USP7: variants seen among roughly 807,000 people sequenced by gnomAD.
USP7 encodes the protein ubiquitin C-terminal hydrolase 7.
In USP7, 9 loss-of-function variants were observed where a neutral mutation model predicts 162.9. That is an observed-to-expected ratio of 0.06 (90% CI 0.03 to 0.10). The LOEUF is 0.10. Ranked by LOEUF, USP7 falls within the 10% of genes least tolerant of loss-of-function variation. The pLI, the probability that USP7 is intolerant of heterozygous loss-of-function variation, is 1.00. For missense variants in USP7, 715 were observed against 1,373.7 expected, an observed-to-expected ratio of 0.52 and a Z score of 7.58; for synonymous variants, 562 against 475.9, an observed-to-expected ratio of 1.18 and a Z score of -2.35.
intron 11 of USP7, 38 bp downstream of exon 11, chr16:8,910,705 AAC>A: frequency 1.9e-6 from 3 of 1,552,972 alleles, no homozygotes; most frequent in Non-Finnish European, 2.6e-6. Flanking sequence ...AATAAAGAAG[AAC>A]GCTACAACAG....
chr16:8,908,233 T>C lies in USP7; in HGVS notation c.1271+108A>G, dbSNP rs1416083767. The C allele has an allele frequency of 5.6e-6, 5 of 899,816 alleles. No homozygotes were observed. In the African/African-American group the frequency reaches 8.4e-5, roughly 15 times the overall value. 55.7% of individuals were successfully genotyped at this position (899,816 alleles called of 1,614,324 possible). On this transcript the variant is annotated intron_variant, in intron 12 of 30. Coordinates refer to ENST00000344836, the MANE Select transcript of USP7 (RefSeq NM_003470.3). ...CACAGAGGTAGAAGGAAAATCTAAA[T>C]AAATCAGATGTGGGACTGAAAATAT...
intron 1 of USP7, among the ~76,000 whole-genome samples, chr16:8,960,671 C>T (rs1017574624): frequency 6.6e-6 from 1 of 152,228 alleles, no homozygotes; most frequent in Non-Finnish European, 1.5e-5. Context: ...CTAGCTCTGA[C>T]CAGGACCCCA....
chr16:8,947,329 T>C (rs934337715), intron 1 of USP7, among the ~76,000 whole-genome samples: 1 of 152,134 alleles, frequency 6.6e-6, no homozygotes, highest in South Asian at 2.1e-4. Context: ...TGCTGGTTTA[T>C]TGTTTTTCCA....
chr16:8,923,450 G>C, intron 2 of USP7, 37 bp from the exon 3 acceptor site: 1 of 1,606,560 alleles, frequency 6.2e-7, no homozygotes, highest in Non-Finnish European at 8.5e-7. Context: ...CAGAGCCTGT[G>C]CATTGACCAA....
intron 13 of USP7, among the ~76,000 whole-genome samples, chr16:8,906,174 C>T (rs1268478254): frequency 6.6e-6 from 1 of 152,234 alleles, no homozygotes; most frequent in Non-Finnish European, 1.5e-5. Context: ...ATAAGTGTCT[C>T]ATATGACATA....
Position 8,894,780 on chromosome 16 carries a change from A to C in USP7, c.3111+4T>G. On this transcript the variant is annotated splice_donor_region_variant and intron_variant, in intron 29 of 30. Transcript: ENST00000344836. Reference sequence around the variant, plus strand: ...CAAGCCCCCAGGAGGCCCCAGCTGCACACCTTCTCAAACTCCTTCTCCTGG... The same window carrying C: ...CAAGCCCCCAGGAGGCCCCAGCTGCCCACCTTCTCAAACTCCTTCTCCTGG... 6.2e-7 allele frequency: 1 copy of C among 1,614,252 alleles called. No individual in the cohort carries two copies. Among genetic ancestry groups the C allele is most frequent in the African/African-American group, 1.3e-5 (1 of 75,072 alleles).
intron 1 of USP7, among the ~76,000 whole-genome samples, chr16:8,947,748 G>T (rs989172140): frequency 6.6e-6 from 1 of 152,094 alleles, no homozygotes; most frequent in Non-Finnish European, 1.5e-5. Flanking sequence ...TTAGGACTTC[G>T]ACAGGATCCT....
chr16:8,936,835 T>G, intron 1 of USP7: 3 of 1,003,394 alleles, frequency 3.0e-6, no homozygotes, highest in Non-Finnish European at 3.8e-6. Flanking sequence ...GAAAAACTGG[T>G]GAAACTCTGA....
chr16:8,925,168 C>T (rs552623241), intron 2 of USP7, among the ~76,000 whole-genome samples: 1 of 152,024 alleles, frequency 6.6e-6, no homozygotes, highest in African/African-American at 2.4e-5. Flanking sequence ...GGAGGTTCGC[C>T]GAGGCTGTTT....
At chr16:8,932,282 C>G (rs1047306433) in intron 1 of USP7, among the ~76,000 whole-genome samples, 6 of 152,184 alleles carry the variant, frequency 3.9e-5, no homozygotes, top group African/African-American at 1.4e-4. Flanking sequence ...AAAGTTATTT[C>G]TGGTCCGACC....
chr16:8,903,067 T>C (rs749994453), intron 16 of USP7, among the ~76,000 whole-genome samples: 7 of 152,096 alleles, frequency 4.6e-5, no homozygotes, highest in Non-Finnish European at 8.8e-5. Context: ...ATCCTGTGGG[T>C]TCCCCTGTGC....
At position 8,893,683 on chromosome 16, in the gene USP7, C is replaced by T. The variant is rs373612996; in HGVS notation, c.*315G>A. On this transcript the variant is annotated 3_prime_UTR_variant, in exon 31 of 31. Coordinates refer to ENST00000344836, the MANE Select transcript of USP7 (RefSeq NM_003470.3). ...CCACTCGTGCCCACTAGGGACAGCC[C>T]AGAGACCTTGAGCCAGGGACCCCCG... is the stretch of plus-strand genomic sequence containing the variant. 36 of 327,934 alleles carry T rather than the reference C, an allele frequency of 1.1e-4. No homozygotes were observed. The highest frequency in any genetic ancestry group is 8.2e-4 in the East Asian group (12 of 14,552). The allele number at this position is 327,934 out of a possible 1,614,324, so 20.3% of individuals were successfully genotyped here. A position where few individuals can be genotyped will look rare whatever the true frequency, so the allele number is the denominator to read the frequency against.
intron 1 of USP7, among the ~76,000 whole-genome samples, chr16:8,930,749 A>G (rs1014441227): frequency 6.6e-6 from 1 of 152,150 alleles, no homozygotes; most frequent in Non-Finnish European, 1.5e-5. Flanking sequence ...CGGACAGATC[A>G]CCTGAGGCCA....
intron 25 of USP7, among the ~76,000 whole-genome samples, chr16:8,897,726 A>AAAAAAAAAAAATATATAT (rs1555461671): frequency 2.8e-4 from 2 of 7,138 alleles, no homozygotes; most frequent in Non-Finnish European, 4.7e-4. Flanking sequence ...AAAAAAAAAA[A>AAAAAAAAAAAATATATAT]ATATATATAT....
chr16:8,931,466 C>T (rs1175006323), intron 1 of USP7, among the ~76,000 whole-genome samples: 1 of 152,176 alleles, frequency 6.6e-6, no homozygotes, highest in African/African-American at 2.4e-5. Flanking sequence ...GGATCACCCA[C>T]CCATGCCAGT....
intron 1 of USP7, among the ~76,000 whole-genome samples, chr16:8,940,689 T>C (rs1053635995): frequency 2.0e-5 from 3 of 152,132 alleles, no homozygotes; most frequent in Non-Finnish European, 4.4e-5. Context: ...CTTCTAGACA[T>C]TTCCAGGGAG....
At position 8,930,273 on chromosome 16, in the gene USP7, G is replaced by A. The variant is rs367567960; in HGVS notation, c.184+20C>T. 9.7e-5 allele frequency: 154 copies of A among 1,591,324 alleles called. No individual in the cohort carries two copies. Among genetic ancestry groups the A allele is most frequent in the East Asian group, 3.6e-4 (16 of 44,350 alleles). ...GACAAGTTTCCGCCCACTGCGAGGC[G>A]GTGAACCACAGGCACTTACCATCCT... On this transcript the variant is annotated intron_variant, in intron 2 of 30. Transcript: ENST00000344836.
chr16:8,958,773 G>A (rs1567251220), intron 1 of USP7, among the ~76,000 whole-genome samples: 1 of 152,188 alleles, frequency 6.6e-6, no homozygotes, highest in South Asian at 2.1e-4. Context: ...CATCAGTGGC[G>A]CATGGCACCA....
chr16:8,934,490 A>AC (rs1241177638), intron 1 of USP7, among the ~76,000 whole-genome samples: 1 of 152,096 alleles, frequency 6.6e-6, no homozygotes, highest in Non-Finnish European at 1.5e-5. Flanking sequence ...CGTAAGCTCT[A>AC]CCCCCCATTT....
Sources: gnomAD v4.1 joint callset for allele counts (sites outside exome capture counted in the v4.1 genomes callset) on GRCh38, gnomAD v4.1.1 for gene constraint, MANE v1.5 for transcripts, NCBI Gene and HGNC (gene_info 2026-07-23, HGNC 2026-07-21) for gene names.